The following TECPR1 variants were observed in gnomAD, a reference collection of about 807,000 sequenced individuals.
TECPR1 encodes the protein tectonin beta-propeller repeat-containing protein 1.
TECPR1 carries 122 observed loss-of-function variants against 162.4 expected under a neutral mutation model. That is an observed-to-expected ratio of 0.75 (90% confidence interval 0.65 to 0.87). The LOEUF is 0.87. TECPR1 is among the 40% of genes least tolerant of loss of function. The probability of loss-of-function intolerance (pLI) is 0.00; values close to 1 mark genes in which losing one functional copy is unlikely to be tolerated. For missense variants in TECPR1, 1,432 were observed against 1,618.2 expected (o/e 0.88, Z 1.97); for synonymous variants, 642 against 670.6 (o/e 0.96, Z 0.66).
chr7:98,225,281 T>C (rs1335170481), intron 17 of TECPR1, among the ~76,000 whole-genome samples, 179 bp from the exon 18 acceptor site: 3 of 152,314 alleles, frequency 2.0e-5, no homozygotes, highest in Non-Finnish European at 4.4e-5. Context: ...ACGCCTGTAA[T>C]CCCAGCACTT....
rs374062647 is a variant in TECPR1, at chr7:98,241,143, G to A, written c.759C>T (p.His253=). ...CCCAGAGTGTGGCCCACAGGAGGTC[G>A]TGGGGCCCACAGCTGATCTGAACCA... ...GEVVQISCGP[H]DLLWATLWEG... Residue 253 remains histidine (H), a synonymous_variant, in exon 7 of 26, where the codon CAC becomes CAT. Transcript: ENST00000447648. The surrounding 1 kb of genome is among the most constrained non-coding windows in gnomAD (Gnocchi z 5.0). 134 of 1,612,670 alleles carry A rather than the reference G, an allele frequency of 8.3e-5. 2 individuals are homozygous for A. In the East Asian group the frequency reaches 2.5e-3, roughly 29 times the overall value.
intron 10 of TECPR1, among the ~76,000 whole-genome samples, chr7:98,236,085 C>T (rs530287389): frequency 3.9e-5 from 6 of 152,256 alleles, no homozygotes; most frequent in African/African-American, 9.6e-5. Flanking sequence ...TGGACACGCC[C>T]GCTGCAGAGC....
intron 23 of TECPR1, 82 bp downstream of exon 23, chr7:98,221,579 G>A (rs1363387672): frequency 2.1e-5 from 27 of 1,262,430 alleles, no homozygotes; most frequent in Non-Finnish European, 2.8e-5. Flanking sequence ...CGCTGGCCTC[G>A]GCCTCCCAAA....
intron 10 of TECPR1, among the ~76,000 whole-genome samples, chr7:98,235,257 G>A (rs1383829045): frequency 6.6e-6 from 1 of 152,184 alleles, no homozygotes; most frequent in Non-Finnish European, 1.5e-5. Flanking sequence ...CAGGCGCAGT[G>A]GCTCACGCCT....
intron 23 of TECPR1, among the ~76,000 whole-genome samples, chr7:98,221,255 T>C (rs540848243): frequency 4.6e-5 from 7 of 152,178 alleles, no homozygotes; most frequent in Admixed American, 3.9e-4. Context: ...TGAGCCGAGA[T>C]TGCACCACTG....
In TECPR1 at chr7:98,216,177, CCTT is replaced by C. The variant is rs1798003088; in HGVS notation, c.*1210_*1212del. On this transcript the variant is annotated 3_prime_UTR_variant, in exon 26 of 26. Transcript: ENST00000447648. Reference sequence around the variant, plus strand: ...TGGGGTCGGGGCCACTTGGCCGACACCTTCTGCCTCGCCTGGCCGGGCCGGGCC... The same window carrying C: ...TGGGGTCGGGGCCACTTGGCCGACACCTGCCTCGCCTGGCCGGGCCGGGCC... 1 of 152,348 alleles carries C rather than the reference CCTT, an allele frequency of 6.6e-6. No homozygotes were observed. The highest frequency in any genetic ancestry group is 2.4e-5 in the African/African-American group (1 of 41,454). The allele number at this position is 152,348 out of a possible 1,614,324, so 9.4% of individuals were successfully genotyped here. A position where few individuals can be genotyped will look rare whatever the true frequency, so the allele number is the denominator to read the frequency against.
Position 98,216,723 on chromosome 7 carries a change from ATT to A in TECPR1, c.*665_*666del, listed in dbSNP as rs34911641. 76,181 of 147,538 alleles carry A rather than the reference ATT, an allele frequency of 0.52. 20,365 individuals carry two copies. Among genetic ancestry groups the A allele is most frequent in the Middle Eastern group, 0.72 (210 of 290 alleles). The allele number at this position is 147,538 out of a possible 1,614,324, so 9.1% of individuals were successfully genotyped here. On this transcript the variant is annotated 3_prime_UTR_variant, in exon 26 of 26. Transcript: ENST00000447648. ...AGGCACCCACCACCATGCCCAGCTAATTTTTTTTTTTTTGTATTTTTAGCAGA... is the reference window on the plus strand; with the variant it reads ...AGGCACCCACCACCATGCCCAGCTAATTTTTTTTTTTGTATTTTTAGCAGA...
chr7:98,230,558 C>T (rs182119950), intron 15 of TECPR1, among the ~76,000 whole-genome samples: 4 of 152,294 alleles, frequency 2.6e-5, no homozygotes, highest in Non-Finnish European at 4.4e-5. Flanking sequence ...CCCCAGGCCC[C>T]GGGCCGCCCA....
chr7:98,233,472 C>A lies in TECPR1; in HGVS notation c.1621G>T (p.Gly541Cys). 6.7e-7 allele frequency: 1 copy of A among 1,482,180 alleles called. No individual in the cohort carries two copies. The highest frequency in any genetic ancestry group is 2.6e-5 in the Admixed American group (1 of 38,066). The allele number at this position is 1,482,180 out of a possible 1,614,324, so 91.8% of individuals were successfully genotyped here. A position where few individuals can be genotyped will look rare whatever the true frequency, so the allele number is the denominator to read the frequency against. The part of the protein sequence containing the change: ...HPLWAWVSGG[G>C]CVVEACAMPR... ...ATGGCACATGCCTCCACCACGCAGCCGCCTCCCGACACCCAGGCCCACAGC... is the reference window on the plus strand; with the variant it reads ...ATGGCACATGCCTCCACCACGCAGCAGCCTCCCGACACCCAGGCCCACAGC... The change falls in exon 11 of 26, where the codon GGC becomes TGC. Residue 541 changes from glycine (G) to cysteine (C), a missense_variant. Gly to Cys is a radical substitution (Grantham distance 159). Transcript: ENST00000447648.
At chr7:98,246,808 C>T (rs1006018616) in intron 2 of TECPR1, among the ~76,000 whole-genome samples, 2 of 151,786 alleles carry the variant, frequency 1.3e-5, no homozygotes, top group African/African-American at 4.8e-5. Context: ...GTCTCGAACT[C>T]CTGACCTCAG....
intron 25 of TECPR1, 52 bp from the exon 26 acceptor site, chr7:98,217,555 G>A (rs1798044489): frequency 6.5e-7 from 1 of 1,544,036 alleles, no homozygotes; most frequent in East Asian, 2.4e-5. Context: ...GAGGATCCTG[G>A]AGGGGATCTG....
At chr7:98,222,773 G>T (rs1282937694) in intron 21 of TECPR1, 2 of 794,568 alleles carry the variant, frequency 2.5e-6, no homozygotes, top group Non-Finnish European at 4.1e-6. Flanking sequence ...CCAAGGACTG[G>T]GTGCCAAAGA....
At position 98,231,962 on chromosome 7, in the gene TECPR1, G is replaced by A. The variant is rs751948331; in HGVS notation, c.1819-3C>T. Reference sequence around the variant, plus strand: ...GCCCCGGTCTTCACCCACACCGACTGCGCAGGCCGGGGCAGTGGACACCAT... The same window carrying A: ...GCCCCGGTCTTCACCCACACCGACTACGCAGGCCGGGGCAGTGGACACCAT... On this transcript the variant is annotated splice_polypyrimidine_tract_variant and splice_region_variant and intron_variant, in intron 12 of 25. Coordinates refer to ENST00000447648, the MANE Select transcript of TECPR1 (RefSeq NM_015395.3). The A allele has an allele frequency of 1.7e-5, 28 of 1,600,344 alleles. No individual in the cohort carries two copies. The South Asian group carries it at 3.0e-4, about 17-fold the overall frequency.
At chr7:98,226,428 T>G in intron 17 of TECPR1, 1 of 985,332 alleles carries the variant, frequency 1.0e-6, no homozygotes, top group African/African-American at 1.7e-5. Context: ...TCAGATACAC[T>G]GGGTCCACTC....
At chr7:98,222,747 A>G (rs1270055771) in intron 21 of TECPR1, 2 of 779,438 alleles carry the variant, frequency 2.6e-6, no homozygotes, top group South Asian at 1.7e-5. Context: ...TGTGCACCTC[A>G]CCGGGGTGCT....
chr7:98,246,550 C>T (rs1255365327), intron 2 of TECPR1, among the ~76,000 whole-genome samples: 1 of 151,934 alleles, frequency 6.6e-6, no homozygotes, highest in East Asian at 2.0e-4. Context: ...CAGGCGTGAG[C>T]CACCGCGCGT....
chr7:98,224,296 C>T (rs954700729), intron 19 of TECPR1, among the ~76,000 whole-genome samples: 1 of 152,200 alleles, frequency 6.6e-6, no homozygotes, highest in African/African-American at 2.4e-5. Context: ...GCACCTGCAC[C>T]GCCAGGGTCC....
Position 98,221,675 on chromosome 7 carries a change from GCATA to G in TECPR1, c.3139_3142del (p.Tyr1047ProfsTer44). 6.2e-7 allele frequency: 1 copy of G among 1,613,002 alleles called. No individual in the cohort carries two copies. Among genetic ancestry groups the G allele is most frequent in the Non-Finnish European group, 8.5e-7 (1 of 1,179,750 alleles). ...GAGCAACTTGCCATTCTCATCCAGGGCATACACCGACGTCTGCCCCGCGGACACC... is the reference window on the plus strand; with the variant it reads ...GAGCAACTTGCCATTCTCATCCAGGGCACCGACGTCTGCCCCGCGGACACC... On this transcript the variant is annotated frameshift_variant, in exon 23 of 26. Coordinates refer to ENST00000447648, the MANE Select transcript of TECPR1 (RefSeq NM_015395.3). LOFTEE classifies it high-confidence loss of function.
Position 98,223,045 on chromosome 7 carries a change from A to G in TECPR1, c.2873T>C (p.Val958Ala). Residue 958 changes from valine to alanine, a missense_variant, in exon 21 of 26, where the codon GTC becomes GCC. Transcript: ENST00000447648. ...GSGHSIALWA[V>A]SDKGDVLCRL... ...GCACAGCACATCCCCCTTGTCGCTG[A>G]CGGCCCAGAGGGCGATGCTGTGCCC... The G allele has an allele frequency of 6.2e-7, 1 of 1,610,544 alleles. No individual in the cohort carries two copies. The highest frequency in any genetic ancestry group is 8.5e-7 in the Non-Finnish European group (1 of 1,179,022).
Sources: gnomAD v4.1 joint callset for allele counts (sites outside exome capture counted in the v4.1 genomes callset) on GRCh38, gnomAD v4.1.1 for gene constraint, Gnocchi (gnomAD v3.1) non-coding constraint, MANE v1.5 for transcripts, NCBI Gene and HGNC (gene_info 2026-07-23, HGNC 2026-07-21) for gene names.